C6orf89: variants seen among roughly 807,000 people sequenced by gnomAD.
The protein encoded by C6orf89 is bombesin receptor-activated protein C6orf89.
C6orf89 carries 29 observed loss-of-function variants against 40.7 expected under a neutral mutation model. That is an observed-to-expected ratio of 0.71 (90% CI 0.53 to 0.97). The LOEUF (loss-of-function observed/expected upper bound fraction) is 0.97. Among genes scored for constraint, C6orf89 ranks in the 50% least tolerant of loss-of-function variants. The pLI, the probability that C6orf89 is intolerant of heterozygous loss-of-function variation, is 0.00. For missense variants in C6orf89, 392 were observed against 429.1 expected (o/e 0.91, Z 0.76); for synonymous variants, 165 against 152.2 (o/e 1.08, Z -0.62).
At chr6:36,890,582 G>A (rs1228226842) in intron 1 of C6orf89, among the ~76,000 whole-genome samples, 5 of 152,126 alleles carry the variant, frequency 3.3e-5, no homozygotes, top group Admixed American at 2.0e-4. Context: ...TGCTCAGGCT[G>A]GGGTGCCATG....
chr6:36,926,483 A>G lies in C6orf89; in HGVS notation c.*3042A>G, dbSNP rs1443899995. 2.6e-5 allele frequency: 4 copies of G among 151,268 alleles called. No homozygotes were observed. Among genetic ancestry groups the G allele is most frequent in the African/African-American group, 7.3e-5 (3 of 41,156 alleles). The allele number at this position is 151,268 out of a possible 1,614,324, so 9.4% of individuals were successfully genotyped here. A position where few individuals can be genotyped will look rare whatever the true frequency, so the allele number is the denominator to read the frequency against. On this transcript the variant is annotated 3_prime_UTR_variant, in exon 9 of 9. Transcript: ENST00000480824. Reference sequence around the variant, plus strand: ...GGGAGGCGGAGATTGCAGTGAGCCAAGATTGTGCCACTTCATTCCAGCCTG... The same window carrying G: ...GGGAGGCGGAGATTGCAGTGAGCCAGGATTGTGCCACTTCATTCCAGCCTG...
At chr6:36,905,228 T>C (rs1054494087) in intron 4 of C6orf89, among the ~76,000 whole-genome samples, 1 of 152,162 alleles carries the variant, frequency 6.6e-6, no homozygotes, top group African/African-American at 2.4e-5. Flanking sequence ...AGGCACAGTA[T>C]GGTTAGGTCA....
At chr6:36,908,605 T>G (rs1432587323) in intron 4 of C6orf89, among the ~76,000 whole-genome samples, 6 of 152,214 alleles carry the variant, frequency 3.9e-5, no homozygotes, top group Non-Finnish European at 8.8e-5. Context: ...ATAGAAATAC[T>G]TTTTTGTTCA....
At chr6:36,898,776 T>A (rs12525180) in intron 2 of C6orf89, among the ~76,000 whole-genome samples, 13,656 of 152,186 alleles carry the variant, frequency 0.09, 768 homozygotes, top group Admixed American at 0.13. Context: ...TGCCCTTTAT[T>A]TTCTAAAATT....
At position 36,923,402 on chromosome 6, in the gene C6orf89, T is replaced by C; in HGVS notation, c.1005T>C (p.Pro335=). Residue 335 remains proline, a synonymous_variant, in exon 9 of 9, where the codon CCT becomes CCC. Transcript: ENST00000480824. ...ACGTTATAGCCAGAGGGGTCCAGCC[T>C]TTGGTCATCTGCGATGGAACCGCTT... ...KVYVIARGVQ[P]LVICDGTAFS... is the part of the protein sequence containing the mutation. 2 of 1,614,146 alleles carry C rather than the reference T, an allele frequency of 1.2e-6. No individual in the cohort carries two copies. The highest frequency in any genetic ancestry group is 1.7e-4 in the Middle Eastern group (1 of 6,060).
upstream of C6orf89, among the ~76,000 whole-genome samples, chr6:36,882,738 T>C (rs1239692190): frequency 8.6e-6 from 1 of 116,434 alleles, no homozygotes; most frequent in African/African-American, 2.8e-5. Flanking sequence ...TTTTTTCTTT[T>C]TTTTTTTTTT....
upstream of C6orf89, among the ~76,000 whole-genome samples, chr6:36,881,291 T>C (rs115303159): frequency 0.013 from 1,957 of 152,334 alleles, 26 homozygotes; most frequent in African/African-American, 0.035. Context: ...TACAGGAATG[T>C]AAATTTTTGC....
At position 36,909,706 on chromosome 6, in the gene C6orf89, C is replaced by T. The variant is rs554710039; in HGVS notation, c.404-4578C>T. On this transcript the variant is annotated intron_variant, in intron 4 of 8. Coordinates refer to ENST00000480824, the MANE Select transcript of C6orf89 (RefSeq NM_001286635.2). Reference sequence around the variant, plus strand: ...CTGAGGTGGGAGGATCACCTGAGCCCGGGGAGGTCAAGGCCACAGTGAGCC... The same window carrying T: ...CTGAGGTGGGAGGATCACCTGAGCCTGGGGAGGTCAAGGCCACAGTGAGCC... 6.0e-5 allele frequency among the ~76,000 whole-genome samples: 9 copies of T among 149,620 alleles called. No individual in the cohort carries two copies. In the South Asian group the frequency reaches 6.3e-4, roughly 11 times the overall value.
At chr6:36,917,746 G>C (rs1257976506) in intron 7 of C6orf89, among the ~76,000 whole-genome samples, 1 of 152,162 alleles carries the variant, frequency 6.6e-6, no homozygotes, top group Non-Finnish European at 1.5e-5. Flanking sequence ...TCCTGCTGTC[G>C]CCGGCTGGAA....
chr6:36,918,906 T>C (rs991030357), intron 7 of C6orf89, among the ~76,000 whole-genome samples: 1 of 152,232 alleles, frequency 6.6e-6, no homozygotes, highest in Non-Finnish European at 1.5e-5. Flanking sequence ...CAGGTGCATA[T>C]GCTGATTGTC....
Position 36,902,227 on chromosome 6 carries a change from G to A in C6orf89, c.196G>A (p.Ala66Thr), listed in dbSNP as rs755983658. The change falls in exon 4 of 9, where the codon GCA becomes ACA. Residue 66 changes from alanine (A) to threonine (T), a missense_variant. By Grantham distance (58) the Ala-to-Thr change is moderately conservative. Transcript: ENST00000480824. Reference protein sequence around the residue: ...PLLIVVYKVLATLGLILLTAY... With the variant: ...PLLIVVYKVLTTLGLILLTAY... The stretch of plus-strand genomic sequence containing the variant: ...TTTCTATCTTTCCTTGTAGGTTCTC[G>A]CAACCTTGGGATTAATCTTGCTCAC... 6.8e-6 allele frequency: 11 copies of A among 1,613,798 alleles called. No individual in the cohort carries two copies. In the Admixed American group the frequency reaches 1.0e-4, roughly 15 times the overall value.
chr6:36,912,339 G>A (rs1762156972), intron 4 of C6orf89, among the ~76,000 whole-genome samples: 1 of 152,196 alleles, frequency 6.6e-6, no homozygotes, highest in Non-Finnish European at 1.5e-5. Context: ...ACATGGGAAA[G>A]TGACTAACAT....
intron 4 of C6orf89, among the ~76,000 whole-genome samples, chr6:36,912,893 G>A (rs1339219836): frequency 6.6e-6 from 1 of 152,158 alleles, no homozygotes; most frequent in East Asian, 1.9e-4. Flanking sequence ...AAAATGTTTT[G>A]TGGTTAAGAG....
intron 1 of C6orf89, among the ~76,000 whole-genome samples, chr6:36,889,582 C>CAAAAAAAAAAAAAAAAAAA (rs58417436): frequency 1.4e-5 from 2 of 140,468 alleles, no homozygotes; most frequent in Non-Finnish European, 3.1e-5. Context: ...AAAACAAAAA[C>CAAAAAAAAAAAAAAAAAAA]AAAAAAAAAA....
At position 36,924,022 on chromosome 6, in the gene C6orf89, G is replaced by A. The variant is rs1036068912; in HGVS notation, c.*581G>A. ...GAAGTACACTTCTTTCCCATTGTCC[G>A]TGGCTCTTGGAGTCTCCGTGATGCC... On this transcript the variant is annotated 3_prime_UTR_variant, in exon 9 of 9. Transcript: ENST00000480824. 11 of 176,384 alleles carry A rather than the reference G, an allele frequency of 6.2e-5. 1 individual carries two copies. Among genetic ancestry groups the A allele is most frequent in the Admixed American group, 4.3e-4 (8 of 18,558 alleles). 10.9% of individuals were successfully genotyped at this position (176,384 alleles called of 1,614,324 possible).
intron 1 of C6orf89, among the ~76,000 whole-genome samples, chr6:36,887,135 G>T (rs149015129): frequency 0.01 from 1,536 of 147,538 alleles, 27 homozygotes; most frequent in African/African-American, 0.036. Context: ...TTTTTTTTGA[G>T]ACGGAGTCTC....
rs936156891 is a variant in C6orf89, at chr6:36,923,578, C to T, written c.*137C>T. The T allele has an allele frequency of 1.4e-6, 1 of 719,888 alleles. No individual in the cohort carries two copies. Among genetic ancestry groups the T allele is most frequent in the Non-Finnish European group, 2.5e-6 (1 of 393,714 alleles). 44.6% of individuals were successfully genotyped at this position (719,888 alleles called of 1,614,324 possible). A position where few individuals can be genotyped will look rare whatever the true frequency, so the allele number is the denominator to read the frequency against. On this transcript the variant is annotated 3_prime_UTR_variant, in exon 9 of 9. Transcript: ENST00000480824. ...CTGCCCTTTGCATGCATGTGTGAAC[C>T]AGCTGTGAGCTGCAAGGCAGTGGCC... is the stretch of plus-strand genomic sequence containing the variant.
chr6:36,892,132 C>CAG (rs1761228808), intron 1 of C6orf89, among the ~76,000 whole-genome samples: 1 of 152,200 alleles, frequency 6.6e-6, no homozygotes, highest in Non-Finnish European at 1.5e-5. Flanking sequence ...AACATCTCAT[C>CAG]AGAGCTCTCA....
chr6:36,879,992 C>G (rs1199306509), intron 2 of C6orf89, among the ~76,000 whole-genome samples: 2 of 152,254 alleles, frequency 1.3e-5, no homozygotes, highest in Non-Finnish European at 1.5e-5. Context: ...GCCTTTCACA[C>G]TGGCGGTTCC....
Sources: allele counts gnomAD v4.1 joint callset (sites outside exome capture counted in the v4.1 genomes callset), GRCh38; gene constraint gnomAD v4.1.1; transcripts MANE v1.5; gene names NCBI Gene and HGNC (gene_info 2026-07-23, HGNC 2026-07-21).